Variants in ZCCHC2 observed in about 807,000 individuals in gnomAD.
The protein encoded by ZCCHC2 is zinc finger CCHC domain-containing protein 2.
Under a neutral mutation model 103.6 loss-of-function variants are expected in ZCCHC2, and 39 were observed. That is an observed-to-expected ratio of 0.38 (90% CI 0.29 to 0.49). The LOEUF is 0.49. ZCCHC2 is among the 20% of genes least tolerant of loss of function. The pLI is 0.96. For missense variants in ZCCHC2, 1,483 were observed against 1,491.0 expected, an observed-to-expected ratio of 0.99 and a Z score of 0.09; for synonymous variants, 687 against 608.9, an observed-to-expected ratio of 1.13 and a Z score of -1.89.
chr18:62,544,710 A>T, intron 3 of ZCCHC2, 92 bp from the exon 4 acceptor site: 1 of 997,482 alleles, frequency 1.0e-6, no homozygotes, highest in Non-Finnish European at 1.5e-6. Context: ...AGTAAAATTT[A>T]AGTAAGGCCC....
rs1916189933 is a variant in ZCCHC2 at position 62,562,959 on chromosome 18, G to GTTAT, written c.1551-48_1551-45dup. The GTTAT allele has an allele frequency of 5.1e-6, 8 of 1,571,534 alleles. No homozygotes were observed. In the East Asian group the frequency reaches 1.8e-4, roughly 36 times the overall value. ...TAACTTCTTTGTTGAAATGAAATAG[G>GTTAT]TTATTATTGAGGGCAGATTTTCACA... On this transcript the variant is annotated intron_variant, in intron 8 of 13. Transcript: ENST00000269499.
chr18:62,548,263 T>TA (rs58882205), intron 4 of ZCCHC2, among the ~76,000 whole-genome samples: 16 of 151,190 alleles, frequency 1.1e-4, no homozygotes, highest in East Asian at 6.3e-4. Context: ...TATATATATA[T>TA]TTTTTTTAGC....
intron 4 of ZCCHC2, among the ~76,000 whole-genome samples, chr18:62,547,112 G>C (rs771392634): frequency 1.3e-5 from 2 of 151,944 alleles, no homozygotes; most frequent in Admixed American, 1.3e-4. Flanking sequence ...ATCATCTGAG[G>C]TCAGCAGTTC....
At chr18:62,543,722 A>G in intron 3 of ZCCHC2, among the ~76,000 whole-genome samples, 1 of 152,042 alleles carries the variant, frequency 6.6e-6, no homozygotes, top group East Asian at 1.9e-4. Context: ...CCGTTCTTGT[A>G]CCATGCCCTA....
chr18:62,539,884 C>T, intron 2 of ZCCHC2, 92 bp downstream of exon 2: 1 of 1,059,604 alleles, frequency 9.4e-7, no homozygotes. Context: ...TTTTTACTCT[C>T]CTTTTTGAAG....
intron 5 of ZCCHC2, among the ~76,000 whole-genome samples, 187 bp downstream of exon 5, chr18:62,550,647 G>A (rs1486568695): frequency 6.6e-6 from 1 of 152,174 alleles, no homozygotes; most frequent in African/African-American, 2.4e-5. Context: ...TTTCATCATT[G>A]TACTCTTCAG....
At chr18:62,568,125 T>C (rs1429853285) in intron 11 of ZCCHC2, among the ~76,000 whole-genome samples, 1 of 152,130 alleles carries the variant, frequency 6.6e-6, no homozygotes, top group African/African-American at 2.4e-5. Flanking sequence ...AGATGAAATA[T>C]GTGGTTCTGT....
intron 2 of ZCCHC2, among the ~76,000 whole-genome samples, 161 bp downstream of exon 2, chr18:62,539,953 T>C (rs1466164587): frequency 6.6e-6 from 1 of 152,202 alleles, no homozygotes; most frequent in Non-Finnish European, 1.5e-5. Flanking sequence ...AGTTCTGCCA[T>C]CTGCACGCTG....
chr18:62,567,956 A>T (rs1313205694), intron 11 of ZCCHC2, among the ~76,000 whole-genome samples: 1 of 150,276 alleles, frequency 6.7e-6, no homozygotes, highest in Admixed American at 6.6e-5. Context: ...AAAAAAAAAA[A>T]AAAGAATGCT....
At chr18:62,543,708 C>G (rs766378513) in intron 3 of ZCCHC2, among the ~76,000 whole-genome samples, 1 of 152,178 alleles carries the variant, frequency 6.6e-6, no homozygotes, top group Non-Finnish European at 1.5e-5. Flanking sequence ...TCATGTGCAT[C>G]TCTCCGTTCT....
At chr18:62,566,224 A>G (rs1343638777) in intron 11 of ZCCHC2, among the ~76,000 whole-genome samples, 2 of 152,200 alleles carry the variant, frequency 1.3e-5, no homozygotes, top group Non-Finnish European at 2.9e-5. Context: ...CAGCCTGGGC[A>G]ACAAGAGTGA....
intron 1 of ZCCHC2, among the ~76,000 whole-genome samples, chr18:62,535,962 C>T (rs1370114647): frequency 6.6e-6 from 1 of 152,126 alleles, no homozygotes; most frequent in Non-Finnish European, 1.5e-5. Context: ...TTTGGAATAT[C>T]TTGGATTTTT....
intron 2 of ZCCHC2, 37 bp from the exon 3 acceptor site, chr18:62,542,461 T>C: frequency 1.3e-6 from 2 of 1,527,698 alleles, no homozygotes; most frequent in Non-Finnish European, 1.8e-6. Context: ...TCTATAGTCT[T>C]TGTAGCACAA....
chr18:62,558,695 C>T lies in ZCCHC2; in HGVS notation c.1417C>T (p.Gln473Ter), dbSNP rs763654281. ...SDSLHSINNL[Q>*]SSLKTSKILE... is the part of the protein sequence containing the mutation. Reference sequence around the variant, plus strand: ...TTGAATGCTTCCTGCAGATAACTTACAATCCTCTCTGAAGACTTCTAAGAT... The same window carrying T: ...TTGAATGCTTCCTGCAGATAACTTATAATCCTCTCTGAAGACTTCTAAGAT... The change falls in exon 7 of 14, where the codon CAA (glutamine) becomes TAA (stop). Residue 473 changes from glutamine (Q) to a stop codon, truncating the protein, a stop_gained. Coordinates refer to ENST00000269499, the MANE Select transcript of ZCCHC2 (RefSeq NM_017742.6). LOFTEE classifies it high-confidence loss of function. 6.6e-7 allele frequency: 1 copy of T among 1,523,410 alleles called. No homozygotes were observed. Among genetic ancestry groups the T allele is most frequent in the South Asian group, 1.3e-5 (1 of 78,448 alleles). The allele number at this position is 1,523,410 out of a possible 1,614,324, so 94.4% of individuals were successfully genotyped here.
At chr18:62,553,228 G>A (rs1447410250) in intron 5 of ZCCHC2, among the ~76,000 whole-genome samples, 1 of 148,668 alleles carries the variant, frequency 6.7e-6, no homozygotes, top group Non-Finnish European at 1.5e-5. Flanking sequence ...CCAAATGGAA[G>A]TATTTTATAC....
intron 5 of ZCCHC2, 45 bp downstream of exon 5, chr18:62,550,505 C>A: frequency 7.0e-7 from 1 of 1,438,510 alleles, no homozygotes; most frequent in Non-Finnish European, 9.6e-7. Flanking sequence ...ACACACAGGA[C>A]AAAGGGCCGC....
chr18:62,585,270 G>A (rs566533176), exon 15 of ZCCHC2: 1 of 152,230 alleles, frequency 6.6e-6, no homozygotes, highest in Non-Finnish European at 1.5e-5. Context: ...CAAGTTTTGC[G>A]CACGGAGTAT....
At position 62,577,822 on chromosome 18, in the gene ZCCHC2, C is replaced by CT. The variant is rs1916913180; in HGVS notation, c.*1244dup. 1 of 152,058 alleles carries CT rather than the reference C, an allele frequency of 6.6e-6. No individual in the cohort carries two copies. Among genetic ancestry groups the CT allele is most frequent in the Non-Finnish European group, 1.5e-5 (1 of 67,986 alleles). 9.4% of individuals were successfully genotyped at this position (152,058 alleles called of 1,614,324 possible). A position where few individuals can be genotyped will look rare whatever the true frequency, so the allele number is the denominator to read the frequency against. On this transcript the variant is annotated 3_prime_UTR_variant, in exon 14 of 14. Transcript: ENST00000269499. ...TTGCTTCCAGGTAATTTTTGATTTC[C>CT]TAAAGTGCACTGAGGTTATCTGGAA... is the stretch of plus-strand genomic sequence containing the variant.
intron 2 of ZCCHC2, 148 bp downstream of exon 2, chr18:62,539,940 C>T: frequency 3.1e-6 from 2 of 649,486 alleles, no homozygotes; most frequent in South Asian, 3.9e-5. Context: ...AGCCAGTCCT[C>T]CTAGTTCTGC....
Sources: allele counts gnomAD v4.1 joint callset (sites outside exome capture counted in the v4.1 genomes callset), GRCh38; gene constraint gnomAD v4.1.1; transcripts MANE v1.5; gene names NCBI Gene and HGNC (gene_info 2026-07-23, HGNC 2026-07-21).